Variants in USH2A observed in about 807,000 individuals in gnomAD.
USH2A encodes the protein usherin.
Under a neutral mutation model 538.9 loss-of-function variants are expected in USH2A, and 443 were observed. The observed-to-expected ratio is 0.82, with a 90% CI of 0.76 to 0.89. USH2A has a LOEUF of 0.89. USH2A is among the 40% of genes least tolerant of loss of function. The pLI, the probability that USH2A is intolerant of heterozygous loss-of-function variation, is 0.00. For synonymous variants in USH2A, 2,413 were observed against 2,273.5 expected (o/e 1.06, Z -1.75); for missense variants, 6,633 against 6,324.8 (o/e 1.05, Z -1.65).
At position 215,981,861 on chromosome 1, in the gene USH2A, G is replaced by A. The variant is rs541151578; in HGVS notation, c.6806-11085C>T. Reference sequence around the variant, plus strand: ...CAATGGCATTTTACTAAGCTTTGAGGAAAAATGAGGGAGCACTATGCTATT... The same window carrying A: ...CAATGGCATTTTACTAAGCTTTGAGAAAAAATGAGGGAGCACTATGCTATT... On this transcript the variant is annotated intron_variant, in intron 35 of 71. Coordinates refer to ENST00000307340, the MANE Select transcript of USH2A (RefSeq NM_206933.4). 4.1e-4 allele frequency among the ~76,000 whole-genome samples: 63 copies of A among 152,168 alleles called. 1 individual carries two copies. Among genetic ancestry groups the A allele is most frequent in the Middle Eastern group, 3.4e-3 (1 of 294 alleles).
At chr1:216,192,849 A>G (rs1465666110) in intron 19 of USH2A, among the ~76,000 whole-genome samples, 1 of 152,162 alleles carries the variant, frequency 6.6e-6, no homozygotes, top group Admixed American at 6.6e-5. Context: ...TTTATAAAGT[A>G]TAATGTAGTT....
intron 21 of USH2A, among the ~76,000 whole-genome samples, chr1:216,172,696 T>C (rs1281658226): frequency 1.3e-5 from 2 of 152,096 alleles, no homozygotes; most frequent in African/African-American, 4.8e-5. Flanking sequence ...AAAAACCTGA[T>C]GCCTACATGT....
chr1:215,955,303 G>A (rs1299755498), intron 37 of USH2A, among the ~76,000 whole-genome samples: 1 of 152,068 alleles, frequency 6.6e-6, no homozygotes, highest in Admixed American at 6.6e-5. Flanking sequence ...ACAATGGGAA[G>A]GAATAAATAT....
rs920106772 is a variant in USH2A, at chr1:215,640,418, T to C, written c.14968+140A>G. On this transcript the variant is annotated intron_variant, in intron 68 of 71. Coordinates refer to ENST00000307340, the MANE Select transcript of USH2A (RefSeq NM_206933.4). ...AGAAAACCTTATTTATCCTGAGCAGTAACTTTTTCACAAGAAGGGGGCACT... is the reference window on the plus strand; with the variant it reads ...AGAAAACCTTATTTATCCTGAGCAGCAACTTTTTCACAAGAAGGGGGCACT... 9.2e-6 allele frequency: 10 copies of C among 1,083,962 alleles called. No homozygotes were observed. In the Admixed American group the frequency reaches 1.6e-4, roughly 18 times the overall value. The allele number at this position is 1,083,962 out of a possible 1,614,324, so 67.1% of individuals were successfully genotyped here.
intron 34 of USH2A, among the ~76,000 whole-genome samples, chr1:215,997,696 A>G (rs1330553852): frequency 2.0e-5 from 3 of 152,068 alleles, no homozygotes; most frequent in African/African-American, 7.2e-5. Context: ...CAAGAGCACA[A>G]TTTTTGGTTT....
chr1:215,914,528 T>C (rs796560545), intron 38 of USH2A, among the ~76,000 whole-genome samples: 5 of 152,132 alleles, frequency 3.3e-5, no homozygotes, highest in African/African-American at 1.2e-4. Context: ...AACATTGACA[T>C]AGTTGTCTTA....
At chr1:215,687,163 T>A (rs1269655113) in intron 61 of USH2A, among the ~76,000 whole-genome samples, 2 of 152,072 alleles carry the variant, frequency 1.3e-5, no homozygotes, top group Non-Finnish European at 2.9e-5. Flanking sequence ...TACTCATAAG[T>A]GTTAAAGCAT....
At chr1:216,052,309 C>T (rs901575783) in intron 30 of USH2A, among the ~76,000 whole-genome samples, 5 of 149,418 alleles carry the variant, frequency 3.3e-5, no homozygotes, top group East Asian at 2.0e-4. Context: ...ATTTCAAGCC[C>T]GGTGAAACAA....
intron 57 of USH2A, 89 bp downstream of exon 57, chr1:215,759,571 A>T (rs912801924): frequency 1.3e-6 from 2 of 1,523,548 alleles, no homozygotes; most frequent in African/African-American, 2.8e-5. Context: ...AAACAATTTA[A>T]CAACTTTCAG....
rs116064722 is a variant in USH2A, at chr1:216,402,562, C to T, written c.651+15952G>A. Among the ~76,000 whole-genome samples, 956 of 152,230 alleles carry T rather than the reference C, an allele frequency of 6.3e-3. 14 individuals carry two copies. Among genetic ancestry groups the T allele is most frequent in the African/African-American group, 0.022 (906 of 41,570 alleles). On this transcript the variant is annotated intron_variant, in intron 3 of 71. Coordinates refer to ENST00000307340, the MANE Select transcript of USH2A (RefSeq NM_206933.4). ...GCATGAAGACTTATATAATGATCCA[C>T]TCCCACTTAATGAATAGTAAATATA... is the stretch of plus-strand genomic sequence containing the variant.
intron 62 of USH2A, among the ~76,000 whole-genome samples, chr1:215,679,351 T>C (rs955278665): frequency 6.6e-6 from 1 of 152,112 alleles, no homozygotes; most frequent in African/African-American, 2.4e-5. Context: ...AGTGTGTCTA[T>C]AGCAGCTGCA....
intron 12 of USH2A, among the ~76,000 whole-genome samples, chr1:216,247,937 AT>A (rs779468790): frequency 5.3e-5 from 8 of 152,142 alleles, no homozygotes; most frequent in Non-Finnish European, 1.0e-4. Flanking sequence ...AAAGAAAAAA[AT>A]GTCAGCTGAT....
intron 54 of USH2A, among the ~76,000 whole-genome samples, chr1:215,780,932 T>G (rs558459716): frequency 6.6e-6 from 1 of 152,350 alleles, no homozygotes; most frequent in South Asian, 2.1e-4. Flanking sequence ...CTTCTAAAGT[T>G]TTAAGCATAT....
intron 68 of USH2A, 95 bp from the exon 69 acceptor site, chr1:215,639,333 A>T: frequency 8.4e-7 from 1 of 1,193,248 alleles, no homozygotes; most frequent in Non-Finnish European, 1.3e-6. Context: ...TAGCATGAAA[A>T]ATAGGATTCC....
At chr1:216,267,713 C>T (rs982473346) in intron 11 of USH2A, among the ~76,000 whole-genome samples, 2 of 152,056 alleles carry the variant, frequency 1.3e-5, no homozygotes, top group Admixed American at 6.6e-5. Flanking sequence ...TTTCTTGTTA[C>T]CTCTGTCATT....
chr1:216,330,878 T>C (rs2037846875), intron 4 of USH2A, among the ~76,000 whole-genome samples: 1 of 151,954 alleles, frequency 6.6e-6, no homozygotes, highest in African/African-American at 2.4e-5. Context: ...GAAGTGGAGG[T>C]GTACCTTTCA....
chr1:215,907,094 A>G (rs1278014445), intron 38 of USH2A, among the ~76,000 whole-genome samples: 1 of 151,970 alleles, frequency 6.6e-6, no homozygotes, highest in Non-Finnish European at 1.5e-5. Context: ...GCTCTTTCTG[A>G]TGTAGAACAA....
intron 38 of USH2A, among the ~76,000 whole-genome samples, chr1:215,901,752 T>C (rs1405671088): frequency 6.6e-6 from 1 of 152,154 alleles, no homozygotes; most frequent in Admixed American, 6.6e-5. Context: ...ATGACTCTGG[T>C]TATTTAATTA....
Position 215,888,703 on chromosome 1 carries a change from T to G in USH2A, c.7946A>C (p.His2649Pro). The change falls in exon 41 of 72, where the codon CAC becomes CCC. Residue 2649 changes from histidine to proline, a missense_variant. His to Pro is a moderately conservative substitution (Grantham distance 77, BLOSUM62 -2). Coordinates refer to ENST00000307340, the MANE Select transcript of USH2A (RefSeq NM_206933.4). ...GAAATTCTCCACCAAGCCATTGGGG[T>G]GGGTAGGGGGTTGCCAAGATATAAT... Reference protein sequence around the residue: ...SVIISWQPPTHPNGLVENFTI... With the variant: ...SVIISWQPPTPPNGLVENFTI... 6.2e-7 allele frequency: 1 copy of G among 1,613,868 alleles called. No homozygotes were observed. The highest frequency in any genetic ancestry group is 8.5e-7 in the Non-Finnish European group (1 of 1,179,934).
Sources: gnomAD v4.1 joint callset for allele counts (sites outside exome capture counted in the v4.1 genomes callset) on GRCh38, gnomAD v4.1.1 for gene constraint, MANE v1.5 for transcripts, NCBI Gene and HGNC (gene_info 2026-07-23, HGNC 2026-07-21) for gene names.